The following EIF3G variants were observed in gnomAD, a reference collection of about 807,000 sequenced individuals.
EIF3G encodes the protein eukaryotic translation initiation factor 3 subunit G.
Under a neutral mutation model 41.7 loss-of-function variants are expected in EIF3G, and 10 were observed. That is an observed-to-expected ratio of 0.24 (90% confidence interval 0.15 to 0.41). The LOEUF is 0.41. Ranked by LOEUF, EIF3G falls within the 10% of genes least tolerant of loss-of-function variation. The pLI is 1.00. For synonymous variants in EIF3G, 204 were observed against 172.5 expected (o/e 1.18, Z -1.43); for missense variants, 297 against 444.0 (o/e 0.67, Z 2.98).
rs189983660 is a variant in EIF3G, at chr19:10,116,725, C to T, written c.595+75G>A. 7.7e-6 allele frequency: 11 copies of T among 1,428,260 alleles called. No individual in the cohort carries two copies. The highest frequency in any genetic ancestry group is 6.6e-5 in the Admixed American group (3 of 45,580). The allele number at this position is 1,428,260 out of a possible 1,614,324, so 88.5% of individuals were successfully genotyped here. A position where few individuals can be genotyped will look rare whatever the true frequency, so the allele number is the denominator to read the frequency against. On this transcript the variant is annotated intron_variant, in intron 7 of 10. Coordinates refer to ENST00000253108, the MANE Select transcript of EIF3G (RefSeq NM_003755.5). This position sits in a 1 kb window ranked among gnomAD's most constrained non-coding sequence, Gnocchi z 4.1. ...CCATCAAACCCGCTGCACTGTCGTG[C>T]GGGAGATGACAGCACGAAGGCAGCA...
Position 10,116,047 on chromosome 19 carries a change from T to A in EIF3G, c.623A>T (p.Asn208Ile). Residue 208 changes from asparagine to isoleucine, a missense_variant, in exon 8 of 11, where the codon AAC (asparagine) becomes ATC (isoleucine). Transcript: ENST00000253108. The surrounding 1 kb of genome is among the most constrained non-coding windows in gnomAD (Gnocchi z 4.1). ...CGGCGGCACATACTTCCCTGTCTTGTTCTGCGTGGCCTGCACCGGCTCTAG... is the reference window on the plus strand; with the variant it reads ...CGGCGGCACATACTTCCCTGTCTTGATCTGCGTGGCCTGCACCGGCTCTAG... ...GELEPVQATQ[N>I]KTGKYVPPSL... 2 of 1,613,948 alleles carry A rather than the reference T, an allele frequency of 1.2e-6. No individual in the cohort carries two copies. Among genetic ancestry groups the A allele is most frequent in the Non-Finnish European group, 1.7e-6 (2 of 1,179,904 alleles).
intron 2 of EIF3G, chr19:10,119,404 T>G: frequency 1.3e-6 from 1 of 745,258 alleles, no homozygotes. Context: ...CAGGCGCCAG[T>G]AGAGAAACAG....
Position 10,116,287 on chromosome 19 carries a change from G to GAGGAGC in EIF3G, c.596-219_596-214dup, listed in dbSNP as rs908980736. On this transcript the variant is annotated intron_variant, in intron 7 of 10. Transcript: ENST00000253108. The surrounding 1 kb of genome is among the most constrained non-coding windows in gnomAD (Gnocchi z 4.1). The stretch of plus-strand genomic sequence containing the variant: ...AGCGACACTGGTGGAGGAGGAGGAG[G>GAGGAGC]AGGAGCCCCGACCCCACCCCAGAGA... 3.6e-4 allele frequency: 213 copies of GAGGAGC among 599,644 alleles called. 2 individuals carry two copies. The South Asian group carries it at 4.2e-3, about 12-fold the overall frequency. The allele number at this position is 599,644 out of a possible 1,614,324, so 37.1% of individuals were successfully genotyped here.
chr19:10,116,069 C>G lies in EIF3G; in HGVS notation c.601G>C (p.Glu201Gln). The stretch of plus-strand genomic sequence containing the variant: ...TTGTTCTGCGTGGCCTGCACCGGCT[C>G]TAGCTCTGGGGACCAAAAGACAGTC... ...GEKEKLPGEL[E>Q]PVQATQNKTG... Residue 201 changes from glutamate to glutamine, a missense_variant, in exon 8 of 11, where the codon GAG (glutamate) becomes CAG (glutamine). This residue lies in a region of EIF3G where 33 missense variants were observed against 30.3 expected (regional missense o/e 1.09). Transcript: ENST00000253108. This position sits in a 1 kb window ranked among gnomAD's most constrained non-coding sequence, Gnocchi z 4.1. 6.2e-7 allele frequency: 1 copy of G among 1,613,752 alleles called. No homozygotes were observed. The highest frequency in any genetic ancestry group is 8.5e-7 in the Non-Finnish European group (1 of 1,179,818).
rs11670536 is a variant in EIF3G, at chr19:10,116,447, C to A, written c.595+353G>T. ...ACGTCTGCACTCTCACACTCGCCAC[C>A]AGCAAATCCCACCAAAGAATTCGGA... On this transcript the variant is annotated intron_variant, in intron 7 of 10. Coordinates refer to ENST00000253108, the MANE Select transcript of EIF3G (RefSeq NM_003755.5). The surrounding 1 kb of genome is among the most constrained non-coding windows in gnomAD (Gnocchi z 4.1). The A allele has an allele frequency of 0.096, 45,739 of 476,014 alleles. 2,593 individuals carry two copies. Among genetic ancestry groups the A allele is most frequent in the South Asian group, 0.14 (5,355 of 37,176 alleles). The allele number at this position is 476,014 out of a possible 1,614,324, so 29.5% of individuals were successfully genotyped here. A position where few individuals can be genotyped will look rare whatever the true frequency, so the allele number is the denominator to read the frequency against.
rs747422969 is a variant in EIF3G at position 10,115,459 on chromosome 19, G to C, written c.947+20C>G. On this transcript the variant is annotated intron_variant, in intron 10 of 10. Coordinates refer to ENST00000253108, the MANE Select transcript of EIF3G (RefSeq NM_003755.5). ...GGGACAAGGCAGGGAGCAGGGGCTG[G>C]GGCAGGGATGGAGTCTTACTTGGCC... is the stretch of plus-strand genomic sequence containing the variant. 6.3e-7 allele frequency: 1 copy of C among 1,592,768 alleles called. No homozygotes were observed. Among genetic ancestry groups the C allele is most frequent in the Admixed American group, 1.7e-5 (1 of 59,068 alleles).
At position 10,115,951 on chromosome 19, in the gene EIF3G, TC is replaced by T; in HGVS notation, c.703+15del. On this transcript the variant is annotated intron_variant, in intron 8 of 10. Transcript: ENST00000253108. ...GAGGTGCCCACCCACCAGCCTGGCG[TC>T]GGGGTGCCCCTCACCTCTGCGGTTG... 1 of 1,386,060 alleles carries T rather than the reference TC, an allele frequency of 7.2e-7. No individual in the cohort carries two copies. The highest frequency in any genetic ancestry group is 1.0e-6 in the Non-Finnish European group (1 of 994,056). The allele number at this position is 1,386,060 out of a possible 1,614,324, so 85.9% of individuals were successfully genotyped here. A position where few individuals can be genotyped will look rare whatever the true frequency, so the allele number is the denominator to read the frequency against.
Position 10,118,883 on chromosome 19 carries a change from A to T in EIF3G, c.225T>A (p.Asp75Glu), listed in dbSNP as rs1223660148. 1.2e-6 allele frequency: 2 copies of T among 1,608,190 alleles called. No homozygotes were observed. Among genetic ancestry groups the T allele is most frequent in the African/African-American group, 2.8e-5 (2 of 72,716 alleles). ...CCACCCTCACCTTGAACTTCTTGCC[A>T]TCCTCATCTATCTTGTACTCTGTCA... Reference protein sequence around the residue: ...KTVTEYKIDEDGKKFKIVRTF... With the variant: ...KTVTEYKIDEEGKKFKIVRTF... The change falls in exon 4 of 11, where the codon GAT becomes GAA. Residue 75 changes from aspartate (D) to glutamate (E), a missense_variant. Asp to Glu is a conservative substitution (Grantham distance 45). Transcript: ENST00000253108.
rs967434299 is a variant in EIF3G, at chr19:10,116,158, T to C, written c.596-84A>G. The C allele has an allele frequency of 4.3e-6, 6 of 1,399,790 alleles. No individual in the cohort carries two copies. The African/African-American group carries it at 7.1e-5, about 17-fold the overall frequency. The allele number at this position is 1,399,790 out of a possible 1,614,324, so 86.7% of individuals were successfully genotyped here. On this transcript the variant is annotated intron_variant, in intron 7 of 10. Transcript: ENST00000253108. This position sits in a 1 kb window ranked among gnomAD's most constrained non-coding sequence, Gnocchi z 4.1. ...CCGCCCCAGGAAGCTCGGGCTTCAGTGTTGAGCCAGCGCAGGCACTGTGTG... is the reference window on the plus strand; with the variant it reads ...CCGCCCCAGGAAGCTCGGGCTTCAGCGTTGAGCCAGCGCAGGCACTGTGTG...
chr19:10,119,630 C>T (rs748604500), intron 2 of EIF3G, 24 bp downstream of exon 2: 1 of 1,556,262 alleles, frequency 6.4e-7, no homozygotes, highest in African/African-American at 1.4e-5. Flanking sequence ...GCCGCGAATA[C>T]CCCGGGCGAC....
Position 10,119,092 on chromosome 19 carries a change from C to A in EIF3G, c.147G>T (p.Pro49=). The part of the protein sequence containing the change: ...GDTSPEPELL[P]GAPLPPPKEV... ...CTCCCGGCAGTCCTCACTCACCTCCCGGCAGTAGCTCTGGCTCTGGGCTGG... is the reference window on the plus strand; with the variant it reads ...CTCCCGGCAGTCCTCACTCACCTCCAGGCAGTAGCTCTGGCTCTGGGCTGG... The change falls in exon 3 of 11, where the codon CCG becomes CCT. Residue 49 remains proline, a synonymous_variant. Coordinates refer to ENST00000253108, the MANE Select transcript of EIF3G (RefSeq NM_003755.5). 1 of 1,388,162 alleles carries A rather than the reference C, an allele frequency of 7.2e-7. No homozygotes were observed. Among genetic ancestry groups the A allele is most frequent in the East Asian group, 2.4e-5 (1 of 41,636 alleles). The allele number at this position is 1,388,162 out of a possible 1,614,324, so 86.0% of individuals were successfully genotyped here.
chr19:10,118,770 G>A, intron 4 of EIF3G, 43 bp from the exon 5 acceptor site: 1 of 1,612,122 alleles, frequency 6.2e-7, no homozygotes, highest in Non-Finnish European at 8.5e-7. Flanking sequence ...TGGGACCAAG[G>A]GATCTCCTTT....
In EIF3G at chr19:10,115,100, C is replaced by A. The variant is rs775192584; in HGVS notation, c.*14G>T. On this transcript the variant is annotated 3_prime_UTR_variant, in exon 11 of 11. Transcript: ENST00000253108. Reference sequence around the variant, plus strand: ...CGCCAAGGGTCCCGGACCGAGTACACAGTGGCAGCTGGCTTAGTTGGTGGA... The same window carrying A: ...CGCCAAGGGTCCCGGACCGAGTACAAAGTGGCAGCTGGCTTAGTTGGTGGA... The A allele has an allele frequency of 1.2e-6, 2 of 1,613,968 alleles. No individual in the cohort carries two copies. The highest frequency in any genetic ancestry group is 1.7e-6 in the Non-Finnish European group (2 of 1,179,992).
intron 10 of EIF3G, 25 bp from the exon 11 acceptor site, chr19:10,115,154 A>T (rs779851525): frequency 2.6e-5 from 42 of 1,613,168 alleles, no homozygotes; most frequent in East Asian, 2.2e-5. Context: ...GGTGGCAGGT[A>T]TAAGACTTCT....
At chr19:10,117,478 A>G in intron 5 of EIF3G, 1 of 365,168 alleles carries the variant, frequency 2.7e-6, no homozygotes, top group Non-Finnish European at 5.0e-6. Flanking sequence ...CGCAATACTC[A>G]GGGATGTGCA....
intron 5 of EIF3G, chr19:10,118,461 AG>A (rs759600924): frequency 5.2e-6 from 3 of 574,562 alleles, no homozygotes; most frequent in South Asian, 4.1e-5. Context: ...GCTACTCGGG[AG>A]GCTGAGGCAG....
rs950439623 is a variant in EIF3G, at chr19:10,115,082, G to C, written c.*32C>G. 1 of 1,613,846 alleles carries C rather than the reference G, an allele frequency of 6.2e-7. No individual in the cohort carries two copies. Among genetic ancestry groups the C allele is most frequent in the South Asian group, 1.1e-5 (1 of 90,942 alleles). On this transcript the variant is annotated 3_prime_UTR_variant, in exon 11 of 11. Transcript: ENST00000253108. ...TCGGAGGCTGTCTTCTGTCGCCAAG[G>C]GTCCCGGACCGAGTACACAGTGGCA...
chr19:10,115,377 G>T, intron 10 of EIF3G, 102 bp downstream of exon 10: 1 of 1,356,770 alleles, frequency 7.4e-7, no homozygotes, highest in South Asian at 1.4e-5. Flanking sequence ...AAACCAGCCG[G>T]GGGACTGTTA....
chr19:10,115,166 G>A (rs2145224911), intron 10 of EIF3G, 37 bp from the exon 11 acceptor site: 1 of 1,612,364 alleles, frequency 6.2e-7, no homozygotes, highest in Non-Finnish European at 8.5e-7. Flanking sequence ...AAGACTTCTG[G>A]GGGCACCCCA....
Sources: allele counts gnomAD v4.1 joint callset, GRCh38; gene constraint gnomAD v4.1.1; regional missense constraint gnomAD v4.1.1; non-coding constraint Gnocchi (gnomAD v3.1); transcripts MANE v1.5; gene names NCBI Gene and HGNC (gene_info 2026-07-23, HGNC 2026-07-21).